MTA3: variants seen among roughly 807,000 people sequenced by gnomAD.
MTA3 encodes metastasis associated 1 family member 3.
In MTA3, 34 loss-of-function variants were observed where a neutral mutation model predicts 83.5. The ratio of observed to expected loss-of-function variants is 0.41; its 90% CI spans 0.31 to 0.54. MTA3 has a LOEUF of 0.54. Among genes scored for constraint, MTA3 ranks in the 20% least tolerant of loss-of-function variants. The pLI is 0.33. For synonymous variants in MTA3, 303 were observed against 252.7 expected, an observed-to-expected ratio of 1.20 and a Z score of -1.89; for missense variants, 761 against 726.4, an observed-to-expected ratio of 1.05 and a Z score of -0.55.
intron 2 of MTA3, among the ~76,000 whole-genome samples, chr2:42,574,392 C>T (rs1678819446): frequency 6.6e-6 from 1 of 152,112 alleles, no homozygotes; most frequent in African/African-American, 2.4e-5. Context: ...TCCCAAAGTG[C>T]TGGGATTACA....
intron 16 of MTA3, among the ~76,000 whole-genome samples, chr2:42,728,063 A>G (rs1667952147): frequency 6.6e-6 from 1 of 152,118 alleles, no homozygotes; most frequent in African/African-American, 2.4e-5. Flanking sequence ...CTATCTAACT[A>G]TATTTTTGTA....
At chr2:42,668,218 C>T (rs1242944187) in intron 8 of MTA3, among the ~76,000 whole-genome samples, 1 of 152,178 alleles carries the variant, frequency 6.6e-6, no homozygotes, top group Non-Finnish European at 1.5e-5. Context: ...TTTCTGGGGG[C>T]CTTGGATTCT....
At chr2:42,622,303 G>T (rs1225435396) in intron 4 of MTA3, among the ~76,000 whole-genome samples, 1 of 152,038 alleles carries the variant, frequency 6.6e-6, no homozygotes, top group African/African-American at 2.4e-5. Flanking sequence ...GCACTCAGCA[G>T]GCTGAGGCAG....
chr2:42,510,591 T>C (rs1469350188), intron 2 of MTA3, among the ~76,000 whole-genome samples: 1 of 152,184 alleles, frequency 6.6e-6, no homozygotes, highest in East Asian at 1.9e-4. Flanking sequence ...AATGACACTG[T>C]CATGAAACAA....
chr2:42,686,815 A>G (rs1394543593), intron 9 of MTA3, among the ~76,000 whole-genome samples: 1 of 151,156 alleles, frequency 6.6e-6, no homozygotes, highest in Admixed American at 6.6e-5. Flanking sequence ...TGATGGAGCA[A>G]GACTTCATCT....
intron 2 of MTA3, among the ~76,000 whole-genome samples, chr2:42,504,365 G>C (rs1259016154): frequency 6.6e-6 from 1 of 152,076 alleles, no homozygotes; most frequent in African/African-American, 2.4e-5. Flanking sequence ...TCAGCCTCCC[G>C]AGTAGCTGGG....
intron 16 of MTA3, among the ~76,000 whole-genome samples, chr2:42,747,487 A>T (rs748454699): frequency 3.3e-5 from 5 of 151,880 alleles, no homozygotes; most frequent in Non-Finnish European, 5.9e-5. Context: ...TGCCTTGGGG[A>T]GAAAGAGGAG....
intron 16 of MTA3, among the ~76,000 whole-genome samples, chr2:42,724,034 C>T (rs1176971956): frequency 6.6e-6 from 1 of 152,084 alleles, no homozygotes; most frequent in African/African-American, 2.4e-5. Context: ...AGAAGTCTTA[C>T]AGAAACACTT....
chr2:42,530,184 C>A (rs1404400021), intron 2 of MTA3, among the ~76,000 whole-genome samples: 2 of 136,156 alleles, frequency 1.5e-5, no homozygotes, highest in African/African-American at 2.7e-5. Context: ...AACTCCATCT[C>A]AAAAAAAAAA....
intron 4 of MTA3, among the ~76,000 whole-genome samples, chr2:42,615,609 G>A (rs918681072): frequency 2.7e-5 from 4 of 149,408 alleles, no homozygotes; most frequent in Non-Finnish European, 4.4e-5. Flanking sequence ...CCACCTCGGC[G>A]TCCCAAAGTG....
At chr2:42,725,934 G>T (rs537051223) in intron 16 of MTA3, among the ~76,000 whole-genome samples, 192 of 152,338 alleles carry the variant, frequency 1.3e-3, no homozygotes, top group Non-Finnish European at 2.1e-3. Flanking sequence ...CCACATTCTT[G>T]TGTTACGAAT....
In MTA3 at chr2:42,711,776, G is replaced by GTGTGTGTT. The variant is rs1455248002; in HGVS notation, c.1525+2680_1525+2681insTGTGTGTT. On this transcript the variant is annotated intron_variant, in intron 14 of 16. Transcript: ENST00000405094. ...TGATCTACTGGGAGTGTATAGGAGA[G>GTGTGTGTT]AGAGAGAGTGTGTGTGTGTGTGTGT... Among the ~76,000 whole-genome samples, 317 of 41,536 alleles carry GTGTGTGTT rather than the reference G, an allele frequency of 7.6e-3. 2 individuals are homozygous for GTGTGTGTT. Among genetic ancestry groups the GTGTGTGTT allele is most frequent in the Middle Eastern group, 0.029 (1 of 34 alleles). 27.2% of individuals were successfully genotyped at this position (41,536 alleles called of 152,430 possible).
At chr2:42,507,677 C>T (rs1483737598) in intron 2 of MTA3, among the ~76,000 whole-genome samples, 1 of 150,874 alleles carries the variant, frequency 6.6e-6, no homozygotes, top group Non-Finnish European at 1.5e-5. Flanking sequence ...ACCTGTAATC[C>T]CAACACTTCG....
chr2:42,510,714 G>GT (rs1441335371), intron 2 of MTA3, among the ~76,000 whole-genome samples: 1 of 152,162 alleles, frequency 6.6e-6, no homozygotes, highest in Non-Finnish European at 1.5e-5. Flanking sequence ...ATATCCAACT[G>GT]TTTGGGTGCT....
intron 3 of MTA3, chr2:42,581,716 A>G: frequency 4.0e-6 from 1 of 247,948 alleles, no homozygotes; most frequent in Non-Finnish European, 8.1e-6. Context: ...TACAAGCATG[A>G]TTAAATCCAA....
intron 2 of MTA3, among the ~76,000 whole-genome samples, chr2:42,561,285 C>T (rs1487605462): frequency 6.6e-6 from 1 of 152,024 alleles, no homozygotes; most frequent in Non-Finnish European, 1.5e-5. Context: ...CTCCTTGTAA[C>T]ATTCATCATT....
At position 42,722,979 on chromosome 2, in the gene MTA3, A is replaced by C. The variant is rs1020511124; in HGVS notation, c.1703A>C (p.His568Pro). ...TTKRMLTTPNHTSLSILGKRN... is the reference protein window; with the variant it reads ...TTKRMLTTPNPTSLSILGKRN... ...AAGCGGATGCTAACAACTCCAAATC[A>C]CACATCTCTGAGCATTCTGGGGAAA... The change falls in exon 16 of 17, where the codon CAC (histidine) becomes CCC (proline). Residue 568 changes from histidine (H) to proline (P), a missense_variant. Coordinates refer to ENST00000405094, the MANE Select transcript of MTA3 (RefSeq NM_001330442.2). 5.2e-6 allele frequency: 8 copies of C among 1,551,038 alleles called. No homozygotes were observed. In the East Asian group the frequency reaches 1.7e-4, roughly 33 times the overall value.
At chr2:42,713,209 T>C (rs935071037) in intron 14 of MTA3, among the ~76,000 whole-genome samples, 18 of 152,238 alleles carry the variant, frequency 1.2e-4, no homozygotes, top group Admixed American at 1.0e-3. Context: ...TGGGCCACAG[T>C]ATTCCCCTGT....
rs1411717962 is a variant in MTA3, at chr2:42,708,065, C to T, written c.1302+11C>T. The T allele has an allele frequency of 6.3e-6, 10 of 1,591,784 alleles. No homozygotes were observed. The Admixed American group carries it at 1.7e-4, about 27-fold the overall frequency. On this transcript the variant is annotated intron_variant, in intron 13 of 16. Coordinates refer to ENST00000405094, the MANE Select transcript of MTA3 (RefSeq NM_001330442.2). ...AGCCCAACTACAGAGGTACAGTAGT[C>T]TTTTTAGTGTTGAAAAATGGCATGT...
Sources: allele counts gnomAD v4.1 joint callset (sites outside exome capture counted in the v4.1 genomes callset), GRCh38; gene constraint gnomAD v4.1.1; transcripts MANE v1.5; gene names NCBI Gene and HGNC (gene_info 2026-07-23, HGNC 2026-07-21).